The following UPRT variants were observed in gnomAD, a reference collection of about 807,000 sequenced individuals.
UPRT encodes RP11-311P8.3.
UPRT carries 5 observed loss-of-function variants against 22.6 expected under a neutral mutation model. The ratio of observed to expected loss-of-function variants is 0.22; its 90% CI spans 0.12 to 0.47. The LOEUF is 0.47. UPRT is among the 20% of genes least tolerant of loss of function. The pLI is 0.99. For missense variants in UPRT, 181 were observed against 239.9 expected, an observed-to-expected ratio of 0.75 and a Z score of 1.62; for synonymous variants, 77 against 87.7, an observed-to-expected ratio of 0.88 and a Z score of 0.68.
intron 4 of UPRT, among the ~76,000 whole-genome samples, chrX:75,249,772 A>G (rs1267998416): frequency 9.0e-6 from 1 of 111,548 alleles, no homozygotes; most frequent in African/African-American, 3.3e-5. Flanking sequence ...TCTCAGCACC[A>G]CACCACACCT....
intron 4 of UPRT, among the ~76,000 whole-genome samples, chrX:75,237,888 T>C (rs2082474247): frequency 9.2e-6 from 1 of 109,086 alleles, no homozygotes; most frequent in East Asian, 3.0e-4. Flanking sequence ...GCATGGCACA[T>C]GTATACATAT....
intron 4 of UPRT, among the ~76,000 whole-genome samples, chrX:75,267,956 A>T (rs990578497): frequency 8.9e-6 from 1 of 111,765 alleles, no homozygotes; most frequent in Non-Finnish European, 1.9e-5. Context: ...CCTCAAAAAA[A>T]ATCAATGAAT....
chrX:75,216,664 A>C (rs773467985), intron 4 of UPRT, among the ~76,000 whole-genome samples: 1 of 112,829 alleles, frequency 8.9e-6, no homozygotes, highest in South Asian at 3.7e-4. Context: ...ACTAGTTTGG[A>C]TATACATTTT....
chrX:75,160,529 ATTTG>A lies in UPRT; in HGVS notation c.-736-17_-736-14del, dbSNP rs753045157. On this transcript the variant is annotated splice_polypyrimidine_tract_variant and intron_variant, in intron 1 of 13. Transcript: ENST00000652605. ...GCAACTTTTTCTGTCGTTTTACTTT[ATTTG>A]TTTATTTATTTTTTAGAGACAGAGT... 1.7e-4 allele frequency among the ~76,000 whole-genome samples: 19 copies of A among 111,390 alleles called. No homozygotes were observed. In the South Asian group the frequency reaches 6.8e-3, roughly 40 times the overall value.
chrX:75,245,612 T>TA (rs1003833700), intron 4 of UPRT, among the ~76,000 whole-genome samples: 34 of 111,998 alleles, frequency 3.0e-4, no homozygotes, highest in African/African-American at 1.1e-3. Context: ...TGTGCAGCCA[T>TA]AAAAAAGAAT....
chrX:75,213,780 A>T lies in UPRT; in HGVS notation c.-447+45901A>T, dbSNP rs375674462. Among the ~76,000 whole-genome samples the T allele has an allele frequency of 5.4e-5, 6 of 112,088 alleles. No homozygotes were observed. The East Asian group carries it at 1.1e-3, about 21-fold the overall frequency. On this transcript the variant is annotated intron_variant, in intron 4 of 13. Transcript: ENST00000652605. ...GAGGGCCAATTATACAACAGGGCTAACAATCCTTAATGTGTATGCACCTAA... is the reference window on the plus strand; with the variant it reads ...GAGGGCCAATTATACAACAGGGCTATCAATCCTTAATGTGTATGCACCTAA...
At chrX:75,187,300 ATGAAATTCTGGG>A (rs1489825249) in intron 4 of UPRT, among the ~76,000 whole-genome samples, 3 of 111,250 alleles carry the variant, frequency 2.7e-5, no homozygotes, top group Non-Finnish European at 5.7e-5. Flanking sequence ...TTGGCTGGAT[ATGAAATTCTGGG>A]TTGAAAATTC....
chrX:75,162,759 T>A (rs1392003841), intron 2 of UPRT, among the ~76,000 whole-genome samples: 1 of 111,761 alleles, frequency 8.9e-6, no homozygotes, highest in Non-Finnish European at 1.9e-5. Flanking sequence ...AGAATCAGAT[T>A]TTTTTAAAGA....
chrX:75,183,766 A>C (rs2082279315), intron 4 of UPRT, among the ~76,000 whole-genome samples: 1 of 112,229 alleles, frequency 8.9e-6, no homozygotes, highest in Non-Finnish European at 1.9e-5. Flanking sequence ...CATTTCTCTG[A>C]TGACCAGTGA....
intron 1 of UPRT, among the ~76,000 whole-genome samples, chrX:75,276,388 T>A (rs1279561562): frequency 1.8e-5 from 2 of 111,520 alleles, no homozygotes; most frequent in Non-Finnish European, 3.8e-5. Flanking sequence ...CTCTTAAAAT[T>A]ATATTTATGA....
In UPRT at chrX:75,300,932, A is replaced by G; in HGVS notation, c.790A>G (p.Ile264Val). Reference protein sequence around the residue: ...LIEHGVQPSVIILLSLFSTPH... With the variant: ...LIEHGVQPSVVILLSLFSTPH... ...AGAACATGGAGTTCAACCCAGTGTTATCATCCTACTCAGTCTGTTCTCCAC... is the reference window on the plus strand; with the variant it reads ...AGAACATGGAGTTCAACCCAGTGTTGTCATCCTACTCAGTCTGTTCTCCAC... The change falls in exon 6 of 7, where the codon ATC becomes GTC. Residue 264 changes from isoleucine to valine, a missense_variant. Around this residue, in one of 2 missense-constraint regions of UPRT, gnomAD observed 70 missense variants for 137.0 expected, o/e 0.51. Coordinates refer to ENST00000373383, the MANE Select transcript of UPRT (RefSeq NM_145052.4). The G allele has an allele frequency of 8.3e-7, 1 of 1,210,381 alleles. No homozygotes were observed. The highest frequency in any genetic ancestry group is 1.8e-5 in the South Asian group (1 of 56,779).
At chrX:75,284,640 G>A (rs900252279) in intron 1 of UPRT, among the ~76,000 whole-genome samples, 1 of 111,796 alleles carries the variant, frequency 8.9e-6, no homozygotes, top group Non-Finnish European at 1.9e-5. Context: ...GGAGTTCTGT[G>A]ATGTGAACCG....
At chrX:75,233,395 C>A (rs1024382300) in intron 4 of UPRT, among the ~76,000 whole-genome samples, 1 of 111,086 alleles carries the variant, frequency 9.0e-6, no homozygotes, top group Non-Finnish European at 1.9e-5. Flanking sequence ...TCCCCAATCT[C>A]GCAAGGCAGG....
In UPRT at chrX:75,249,288, A is replaced by G. The variant is rs1255705567; in HGVS notation, c.-446-41736A>G. 1.7e-4 allele frequency among the ~76,000 whole-genome samples: 19 copies of G among 111,676 alleles called. No individual in the cohort carries two copies. The Admixed American group carries it at 1.7e-3, about 10-fold the overall frequency. On this transcript the variant is annotated intron_variant, in intron 4 of 13. Transcript: ENST00000652605. ...CAAATTGGATAAAGAGTCAAGACCC[A>G]TCGGTGTGCTGTATTCAGGAAACCC...
chrX:75,218,942 A>C lies in UPRT; in HGVS notation c.-447+51063A>C, dbSNP rs756211933. Among the ~76,000 whole-genome samples the C allele has an allele frequency of 6.3e-5, 7 of 110,835 alleles. No individual in the cohort carries two copies. The South Asian group carries it at 2.8e-3, about 44-fold the overall frequency. The stretch of plus-strand genomic sequence containing the variant: ...TTAGGAGATATACCTAATGCTAAAT[A>C]ATGAGTTAATGGGTGCAGCACACCG... On this transcript the variant is annotated intron_variant, in intron 4 of 13. Transcript: ENST00000652605.
At chrX:75,190,277 C>A (rs1462601157) in intron 4 of UPRT, among the ~76,000 whole-genome samples, 1 of 111,794 alleles carries the variant, frequency 8.9e-6, no homozygotes, top group Non-Finnish European at 1.9e-5. Flanking sequence ...GTTGAAAATT[C>A]TTTTCCTTAA....
chrX:75,235,090 AT>A (rs2082456224), intron 4 of UPRT, among the ~76,000 whole-genome samples: 1 of 111,713 alleles, frequency 9.0e-6, no homozygotes. Context: ...TGCAAAAAAA[AT>A]GATAAAGGAT....
chrX:75,247,079 C>T (rs750699956), intron 4 of UPRT, among the ~76,000 whole-genome samples: 4 of 111,387 alleles, frequency 3.6e-5, no homozygotes, highest in South Asian at 3.9e-4. Flanking sequence ...AGTCACTCTT[C>T]GTCAAAGTGT....
intron 4 of UPRT, among the ~76,000 whole-genome samples, chrX:75,179,760 G>C (rs1239380626): frequency 8.8e-6 from 1 of 113,312 alleles, no homozygotes; most frequent in African/African-American, 3.2e-5. Flanking sequence ...CACTGGCCCG[G>C]GTGCTAAGTC....
Sources: gnomAD v4.1 joint callset for allele counts (sites outside exome capture counted in the v4.1 genomes callset) on GRCh38, gnomAD v4.1.1 for gene constraint, gnomAD v4.1.1 regional missense constraint, MANE v1.5 for transcripts, NCBI Gene and HGNC (gene_info 2026-07-23, HGNC 2026-07-21) for gene names.